MUC5B: variants seen among roughly 807,000 people sequenced by gnomAD.
MUC5B encodes mucin-5B.
A neutral mutation model predicts 376.9 loss-of-function variants in MUC5B; 116 were observed. The ratio of observed to expected loss-of-function variants is 0.31; its 90% CI spans 0.26 to 0.36. The LOEUF (loss-of-function observed/expected upper bound fraction) is 0.36, where lower values mean the gene tolerates loss of function less well. MUC5B is among the 10% of genes least tolerant of loss of function. The pLI is 1.00. For synonymous variants in MUC5B, 3,517 were observed against 3,390.9 expected (o/e 1.04, Z -1.29); for missense variants, 7,165 against 7,769.9 (o/e 0.92, Z 2.93).
intron 25 of MUC5B, among the ~76,000 whole-genome samples, chr11:1,238,664 G>A (rs1862206382): frequency 6.6e-6 from 1 of 152,196 alleles, no homozygotes. Context: ...AGGGATATAG[G>A]TGGACGAGGG....
At position 1,255,456 on chromosome 11, in the gene MUC5B, G is replaced by A; in HGVS notation, c.15964G>A (p.Gly5322Ser). The change falls in exon 37 of 49, where the codon GGC becomes AGC. Residue 5322 changes from glycine (G) to serine (S), a missense_variant. Transcript: ENST00000529681. ...FNACISDHCR[G>S]RLEVPCQSLE... ...CGCCTGCATCAGCGACCACTGCAGG[G>A]GCCGCCTTGAGGTGCCCTGCCAGAG... is the stretch of plus-strand genomic sequence containing the variant. 6.3e-7 allele frequency: 1 copy of A among 1,598,608 alleles called. No homozygotes were observed. The highest frequency in any genetic ancestry group is 8.5e-7 in the Non-Finnish European group (1 of 1,173,492).
Position 1,245,926 on chromosome 11 carries a change from C to G in MUC5B, c.9046C>G (p.Pro3016Ala). 1 of 1,613,192 alleles carries G rather than the reference C, an allele frequency of 6.2e-7. No homozygotes were observed. Among genetic ancestry groups the G allele is most frequent in the South Asian group, 1.1e-5 (1 of 91,054 alleles). The change falls in exon 31 of 49, where the codon CCG becomes GCG. Residue 3016 changes from proline to alanine, a missense_variant. Around this residue, in one of 31 missense-constraint regions of MUC5B, gnomAD observed 939 missense variants for 770.6 expected, o/e 1.22. Transcript: ENST00000529681. ...ATCCACGGCCATCCCGTCCTCCACC[C>G]CGGGAACAGCTCCCCCTCCCAAAGT... ...TGSTAIPSSTPGTAPPPKVLT... is the reference protein window; with the variant it reads ...TGSTAIPSSTAGTAPPPKVLT...
rs757304608 is a variant in MUC5B at position 1,243,663 on chromosome 11, C to T, written c.6783C>T (p.Thr2261=). 2.5e-5 allele frequency: 41 copies of T among 1,611,324 alleles called. No individual in the cohort carries two copies. Among genetic ancestry groups the T allele is most frequent in the Non-Finnish European group, 3.3e-5 (39 of 1,179,536 alleles). Residue 2261 remains threonine (T), a synonymous_variant, in exon 31 of 49, where the codon ACC becomes ACT. Transcript: ENST00000529681. ...CCAGCCCTCACCCTAGCAGCAGAAC[C>T]ACCGAGTCACCCCCTTCTCCAGGGA... ...ALSSPHPSSR[T]TESPPSPGTT...
At position 1,261,321 on chromosome 11, in the gene MUC5B, T is replaced by C. The variant is rs1389772370; in HGVS notation, c.17070-68T>C. The C allele has an allele frequency of 7.8e-6, 11 of 1,411,468 alleles. 1 individual carries two copies. In the Middle Eastern group the frequency reaches 8.9e-4, roughly 114 times the overall value. The allele number at this position is 1,411,468 out of a possible 1,614,324, so 87.4% of individuals were successfully genotyped here. ...GCCCAGGACCCCAGAGGCCCATGTG[T>C]CACCATGGCTGGGCAGAGAAACGGC... On this transcript the variant is annotated intron_variant, in intron 48 of 48. Transcript: ENST00000529681.
chr11:1,257,832 C>T lies in MUC5B; in HGVS notation c.16450+122C>T, dbSNP rs56105444. The T allele has an allele frequency of 3.4e-3, 4,118 of 1,199,530 alleles. 132 individuals carry two copies. The Admixed American group carries it at 0.066, about 19-fold the overall frequency. The allele number at this position is 1,199,530 out of a possible 1,614,324, so 74.3% of individuals were successfully genotyped here. On this transcript the variant is annotated intron_variant, in intron 41 of 48. Coordinates refer to ENST00000529681, the MANE Select transcript of MUC5B (RefSeq NM_002458.3). The surrounding 1 kb of genome is among the most constrained non-coding windows in gnomAD (Gnocchi z 8.9). ...GAGAGCCACTGTGTCCTGGCGTGAC[C>T]GCGGCAGGACCACTCGGCAGAGATG...
At chr11:1,225,021 T>G (rs1861849491) in intron 1 of MUC5B, among the ~76,000 whole-genome samples, 1 of 152,120 alleles carries the variant, frequency 6.6e-6, no homozygotes. Flanking sequence ...CCAGCCTCCA[T>G]GGGGTTGGTG....
At chr11:1,229,368 C>A in intron 9 of MUC5B, 73 bp downstream of exon 9, 1 of 1,442,748 alleles carries the variant, frequency 6.9e-7, no homozygotes, top group South Asian at 1.4e-5. Context: ...CCAGCCTCAT[C>A]AGGCGTGGAA....
At position 1,239,549 on chromosome 11, in the gene MUC5B, A is replaced by G. The variant is rs1428205283; in HGVS notation, c.3566A>G (p.Asp1189Gly). Residue 1189 changes from aspartate to glycine, a missense_variant, in exon 27 of 49, where the codon GAC becomes GGC. By Grantham distance (94) the Asp-to-Gly change is moderately conservative. Transcript: ENST00000529681. ...AACCCCAGTGGGCACTGCCTGGTGGACCTGCCTGGCCTGGAAGGTGAGGGG... is the reference window on the plus strand; with the variant it reads ...AACCCCAGTGGGCACTGCCTGGTGGGCCTGCCTGGCCTGGAAGGTGAGGGG... ...CRNPSGHCLV[D>G]LPGLEGCYPK... The G allele has an allele frequency of 6.3e-7, 1 of 1,586,710 alleles. No individual in the cohort carries two copies. Among genetic ancestry groups the G allele is most frequent in the Non-Finnish European group, 8.6e-7 (1 of 1,162,404 alleles).
rs1163065868 is a variant in MUC5B at position 1,244,692 on chromosome 11, C to A, written c.7812C>A (p.His2604Gln). Residue 2604 changes from histidine to glutamine, a missense_variant, in exon 31 of 49, where the codon CAC (histidine) becomes CAA (glutamine). His to Gln is a conservative substitution (Grantham distance 24). Transcript: ENST00000529681. ...CCTCCTCCACCCCAGGAACAGCTCA[C>A]ACTACCAAAGTGCTGACTACCACAA... ...ATPSSTPGTA[H>Q]TTKVLTTTTT... is the part of the protein sequence containing the mutation. 2 of 1,612,842 alleles carry A rather than the reference C, an allele frequency of 1.2e-6. No individual in the cohort carries two copies. The highest frequency in any genetic ancestry group is 1.7e-5 in the Admixed American group (1 of 59,986).
chr11:1,238,758 T>C (rs1157544672), intron 25 of MUC5B, 113 bp from the exon 26 acceptor site: 20 of 1,185,490 alleles, frequency 1.7e-5, no homozygotes, highest in Non-Finnish European at 2.4e-5. Context: ...CTCAGAGAGC[T>C]GCCATGGGGG....
At chr11:1,237,194 T>A (rs1862180019) in intron 25 of MUC5B, 30 bp downstream of exon 25, 1 of 1,381,924 alleles carries the variant, frequency 7.2e-7, no homozygotes, top group South Asian at 1.8e-5. Flanking sequence ...AGGCAGGGTC[T>A]GGTGGGGATG....
rs372766611 is a variant in MUC5B at position 1,249,951 on chromosome 11, G to A, written c.13071G>A (p.Pro4357=). 2.9e-4 allele frequency: 459 copies of A among 1,607,528 alleles called. 2 individuals carry two copies. The highest frequency in any genetic ancestry group is 1.1e-3 in the East Asian group (48 of 44,524). The change falls in exon 31 of 49, where the codon CCG becomes CCA. Residue 4357 remains proline (P), a synonymous_variant. Transcript: ENST00000529681. ...TMSTIHPSST[P]ETTHTSTVLT... is the part of the protein sequence containing the mutation. ...CCACAATCCACCCCTCCTCCACTCCGGAGACCACCCACACCTCCACAGTGC... is the reference window on the plus strand; with the variant it reads ...CCACAATCCACCCCTCCTCCACTCCAGAGACCACCCACACCTCCACAGTGC...
intron 46 of MUC5B, 90 bp from the exon 47 acceptor site, chr11:1,260,261 C>T: frequency 6.9e-7 from 1 of 1,440,486 alleles, no homozygotes; most frequent in South Asian, 1.2e-5. Flanking sequence ...GGAGGCCATG[C>T]CCCTGCCCGG....
chr11:1,251,435 G>T lies in MUC5B; in HGVS notation c.14555G>T (p.Ser4852Ile), dbSNP rs1019583357. ...ACCACCTGGATCCTCACAGAGCCGA[G>T]CACTATAGCCACCGTGATGGTGCCC... ...PGTTWILTEP[S>I]TIATVMVPTG... The change falls in exon 31 of 49, where the codon AGC becomes ATC. Residue 4852 changes from serine (S) to isoleucine (I), a missense_variant. Ser to Ile is a moderately radical substitution (Grantham distance 142). Transcript: ENST00000529681. The T allele has an allele frequency of 1.7e-5, 27 of 1,610,934 alleles. No individual in the cohort carries two copies. Among genetic ancestry groups the T allele is most frequent in the Non-Finnish European group, 2.3e-5 (27 of 1,178,744 alleles).
intron 24 of MUC5B, 63 bp downstream of exon 24, chr11:1,236,625 T>C: frequency 6.5e-7 from 1 of 1,538,046 alleles, no homozygotes. Flanking sequence ...GAAACCCTGG[T>C]GCCAGGTGGG....
In MUC5B at chr11:1,245,423, C is replaced by A. The variant is rs1294976175; in HGVS notation, c.8543C>A (p.Thr2848Asn). The A allele has an allele frequency of 2.6e-6, 4 of 1,559,932 alleles. No individual in the cohort carries two copies. Among genetic ancestry groups the A allele is most frequent in the Non-Finnish European group, 3.5e-6 (4 of 1,150,678 alleles). The change falls in exon 31 of 49, where the codon ACC (threonine) becomes AAC (asparagine). Residue 2848 changes from threonine (T) to asparagine (N), a missense_variant. Thr to Asn is a moderately conservative substitution (Grantham distance 65, BLOSUM62 0). Around this residue, in one of 31 missense-constraint regions of MUC5B, gnomAD observed 50 missense variants for 66.4 expected, o/e 0.75. Transcript: ENST00000529681. ...ACGGCCACGGCCACACCCAGCAAGA[C>A]CCGCACCTCGACCCTGCTGCCCAGC... ...RTTATATPSK[T>N]RTSTLLPSSP...
At position 1,253,151 on chromosome 11, in the gene MUC5B, T is replaced by TGTG. The variant is rs1862750300; in HGVS notation, c.15217+181_15217+183dup. On this transcript the variant is annotated intron_variant, in intron 33 of 48. Coordinates refer to ENST00000529681, the MANE Select transcript of MUC5B (RefSeq NM_002458.3). This position sits in a 1 kb window ranked among gnomAD's most constrained non-coding sequence, Gnocchi z 4.3. ...TGGGGCATGGTGGGGCATGGTGGGG[T>TGTG]GTGGTGGTGGTGTTTGGGAGATCGC... 1.3e-6 allele frequency: 1 copy of TGTG among 767,910 alleles called. No homozygotes were observed. The highest frequency in any genetic ancestry group is 2.1e-6 in the Non-Finnish European group (1 of 469,320). 47.6% of individuals were successfully genotyped at this position (767,910 alleles called of 1,614,324 possible).
chr11:1,260,342 C>A lies in MUC5B; in HGVS notation c.16924-9C>A. ...CACAGCCCTGCCCCCTGTCTTTGGC[C>A]CCCACCAGGGGAGCCTCAGGAAAAC... On this transcript the variant is annotated splice_polypyrimidine_tract_variant and intron_variant, in intron 46 of 48. Coordinates refer to ENST00000529681, the MANE Select transcript of MUC5B (RefSeq NM_002458.3). 1.2e-6 allele frequency: 2 copies of A among 1,612,290 alleles called. No individual in the cohort carries two copies. The highest frequency in any genetic ancestry group is 1.7e-6 in the Non-Finnish European group (2 of 1,179,604).
chr11:1,250,165 A>G lies in MUC5B; in HGVS notation c.13285A>G (p.Thr4429Ala). Residue 4429 changes from threonine to alanine, a missense_variant, in exon 31 of 49, where the codon ACT (threonine) becomes GCT (alanine). Thr to Ala is a moderately conservative substitution (Grantham distance 58). Transcript: ENST00000529681. ...CCTCACAGAGCTGACCACAACAGCC[A>G]CTACGACTGCGTCCACTGGATCCAC... ...WILTELTTTA[T>A]TTASTGSTAT... 1 of 1,587,778 alleles carries G rather than the reference A, an allele frequency of 6.3e-7. No individual in the cohort carries two copies. The highest frequency in any genetic ancestry group is 8.6e-7 in the Non-Finnish European group (1 of 1,159,410).
Sources: gnomAD v4.1 joint callset for allele counts (sites outside exome capture counted in the v4.1 genomes callset) on GRCh38, gnomAD v4.1.1 for gene constraint, gnomAD v4.1.1 regional missense constraint, Gnocchi (gnomAD v3.1) non-coding constraint, MANE v1.5 for transcripts, NCBI Gene and HGNC (gene_info 2026-07-23, HGNC 2026-07-21) for gene names.